Variants in FBN3 observed in about 807,000 individuals in gnomAD.
The protein encoded by FBN3 is fibrillin-3.
Under a neutral mutation model 330.1 loss-of-function variants are expected in FBN3, and 234 were observed. That is an observed-to-expected ratio of 0.71 (90% CI 0.64 to 0.79). The LOEUF (loss-of-function observed/expected upper bound fraction) is 0.79, where lower values mean the gene tolerates loss of function less well. Among genes scored for constraint, FBN3 ranks in the 30% least tolerant of loss-of-function variants. The pLI is 0.00. For missense variants in FBN3, 3,606 were observed against 3,886.9 expected (o/e 0.93, Z 1.92); for synonymous variants, 1,458 against 1,517.3 (o/e 0.96, Z 0.91).
Position 8,118,899 on chromosome 19 carries a change from T to C in FBN3, c.3335A>G (p.Glu1112Gly). The C allele has an allele frequency of 6.2e-7, 1 of 1,610,288 alleles. No homozygotes were observed. Among genetic ancestry groups the C allele is most frequent in the Non-Finnish European group, 8.5e-7 (1 of 1,176,824 alleles). ...TGCACACCCAGATGCACACTTACCCTCACAGGCAGTGCCCTTGGCCGTCAG... is the reference window on the plus strand; with the variant it reads ...TGCACACCCAGATGCACACTTACCCCCACAGGCAGTGCCCTTGGCCGTCAG... Reference protein sequence around the residue: ...HELTAKGTACEDIDECSLSDG... With the variant: ...HELTAKGTACGDIDECSLSDG... Residue 1112 changes from glutamate (E) to glycine (G), a missense_variant and splice_region_variant, in exon 26 of 64, where the codon GAG (glutamate) becomes GGG (glycine). Glu to Gly is a moderately conservative substitution (Grantham distance 98, BLOSUM62 -2). Coordinates refer to ENST00000600128, the MANE Select transcript of FBN3 (RefSeq NM_032447.5).
chr19:8,109,697 G>A lies in FBN3; in HGVS notation c.4390C>T (p.Pro1464Ser), dbSNP rs780575613. The A allele has an allele frequency of 3.8e-6, 6 of 1,559,642 alleles. No homozygotes were observed. The African/African-American group carries it at 8.2e-5, about 21-fold the overall frequency. The change falls in exon 35 of 64, where the codon CCC becomes TCC. Residue 1464 changes from proline to serine, a missense_variant. Physicochemically the swap from Pro to Ser is moderately conservative, Grantham distance 74. Coordinates refer to ENST00000600128, the MANE Select transcript of FBN3 (RefSeq NM_032447.5). This position sits in a 1 kb window ranked among gnomAD's most constrained non-coding sequence, Gnocchi z 5.2. Reference sequence around the variant, plus strand: ...GGGCAGCTGCAGAGGTAGCTGCCGGGGGTGTTAATGCACACGCCGTTGATG... The same window carrying A: ...GGGCAGCTGCAGAGGTAGCTGCCGGAGGTGTTAATGCACACGCCGTTGATG... ...NCINGVCINT[P>S]GSYLCSCPQD...
chr19:8,084,640 G>A (rs2081892781), intron 56 of FBN3, among the ~76,000 whole-genome samples: 1 of 152,084 alleles, frequency 6.6e-6, no homozygotes, highest in African/African-American at 2.4e-5. Flanking sequence ...AGGCTGGAGT[G>A]CAATGGCGTG....
At position 8,131,499 on chromosome 19, in the gene FBN3, C is replaced by A; in HGVS notation, c.1990+55G>T. On this transcript the variant is annotated intron_variant, in intron 15 of 63. Transcript: ENST00000600128. This position sits in a 1 kb window ranked among gnomAD's most constrained non-coding sequence, Gnocchi z 4.5. Reference sequence around the variant, plus strand: ...ATGACCCCCCACCAGAAGCGAGAACCGATGGAGGCATTCAGACCAAGGAGG... The same window carrying A: ...ATGACCCCCCACCAGAAGCGAGAACAGATGGAGGCATTCAGACCAAGGAGG... The A allele has an allele frequency of 1.3e-6, 2 of 1,555,796 alleles. No individual in the cohort carries two copies. Among genetic ancestry groups the A allele is most frequent in the South Asian group, 2.4e-5 (2 of 81,658 alleles).
At position 8,072,168 on chromosome 19, in the gene FBN3, G is replaced by A. The variant is rs10420783; in HGVS notation, c.7968C>T (p.Pro2656=). 13,780 of 1,582,468 alleles carry A rather than the reference G, an allele frequency of 8.7e-3. 966 individuals are homozygous for A. The African/African-American group carries it at 0.16, about 18-fold the overall frequency. Residue 2656 remains proline, a synonymous_variant, in exon 63 of 64, where the codon CCC becomes CCT. Transcript: ENST00000600128. The stretch of plus-strand genomic sequence containing the variant: ...CTTTGTCCGGGGTGTCCTGGGGTCC[G>A]GGGCTGAAGCCCAGGCCGGAGACAC... The part of the protein sequence containing the change: ...GHCVSGLGFS[P]GPQDTPDKEE...
At chr19:8,074,949 G>T (rs2081604892) in intron 61 of FBN3, 122 bp downstream of exon 61, 2 of 1,341,402 alleles carry the variant, frequency 1.5e-6, no homozygotes, top group Non-Finnish European at 2.0e-6. Flanking sequence ...TTCTGGGCTG[G>T]CCTGTTCAAT....
chr19:8,124,894 G>A (rs906698038), intron 22 of FBN3, among the ~76,000 whole-genome samples: 2 of 152,170 alleles, frequency 1.3e-5, no homozygotes, highest in African/African-American at 2.4e-5. Context: ...GTGAACATAC[G>A]TCATTATACG....
chr19:8,126,041 G>A (rs373329474), intron 21 of FBN3, 24 bp from the exon 22 acceptor site: 26 of 1,613,600 alleles, frequency 1.6e-5, no homozygotes, highest in South Asian at 5.5e-5. Flanking sequence ...AGGGAAAGCC[G>A]GAGGGTCCAG....
chr19:8,126,314 G>A lies in FBN3; in HGVS notation c.2588C>T (p.Thr863Met), dbSNP rs139953945. ...GCAGTTACCATCGCAGGTGACACCCGTCATCCGGGCAAAGCCCCGGGCACA... is the reference window on the plus strand; with the variant it reads ...GCAGTTACCATCGCAGGTGACACCCATCATCCGGGCAAAGCCCCGGGCACA... ...PACARGFARM[T>M]GVTCDDVNEC... Residue 863 changes from threonine to methionine, a missense_variant, in exon 21 of 64, where the codon ACG (threonine) becomes ATG (methionine). Coordinates refer to ENST00000600128, the MANE Select transcript of FBN3 (RefSeq NM_032447.5). The A allele has an allele frequency of 5.3e-5, 84 of 1,589,314 alleles. No individual in the cohort carries two copies. Among genetic ancestry groups the A allele is most frequent in the African/African-American group, 5.1e-4 (38 of 74,972 alleles).
chr19:8,066,156 C>T lies in FBN3; in HGVS notation c.8193G>A (p.Glu2731=), dbSNP rs1163228039. The part of the protein sequence containing the change: ...ERILELRPAL[E]GLEGRIRYVI... ...CGTAGCGGATCCGGCCCTCTAGACC[C>T]TCCAGGGCCGGCCGGAGCTCCAGGA... The change falls in exon 64 of 64, where the codon GAG becomes GAA. Residue 2731 remains glutamate (E), a synonymous_variant. Coordinates refer to ENST00000600128, the MANE Select transcript of FBN3 (RefSeq NM_032447.5). 1.2e-5 allele frequency: 20 copies of T among 1,613,050 alleles called. No individual in the cohort carries two copies. The highest frequency in any genetic ancestry group is 1.7e-5 in the Non-Finnish European group (20 of 1,179,824).
At chr19:8,085,159 C>A (rs539549173) in intron 56 of FBN3, among the ~76,000 whole-genome samples, 1 of 152,092 alleles carries the variant, frequency 6.6e-6, no homozygotes, top group South Asian at 2.1e-4. Flanking sequence ...CTCCCTCAAC[C>A]CCCCGAGTTC....
intron 63 of FBN3, among the ~76,000 whole-genome samples, chr19:8,066,748 G>A (rs1376162129): frequency 6.6e-5 from 10 of 152,062 alleles, no homozygotes; most frequent in African/African-American, 1.2e-4. Context: ...GCGTGGTGGC[G>A]GGCGCCTGTA....
At chr19:8,081,291 G>A (rs962634548) in intron 58 of FBN3, 67 bp downstream of exon 58, 2 of 1,547,386 alleles carry the variant, frequency 1.3e-6, no homozygotes, top group Admixed American at 1.9e-5. Context: ...GACATGTCTT[G>A]GGCATCCCTT....
intron 34 of FBN3, among the ~76,000 whole-genome samples, chr19:8,110,318 C>G (rs1000158641): frequency 2.0e-5 from 3 of 152,284 alleles, no homozygotes; most frequent in Middle Eastern, 6.8e-3. Context: ...CTCAGCCTCC[C>G]AAAGTGCTGA....
rs759180020 is a variant in FBN3, at chr19:8,101,100, C to T, written c.5090-128G>A. 2.9e-4 allele frequency: 175 copies of T among 610,562 alleles called. 1 individual carries two copies. Among genetic ancestry groups the T allele is most frequent in the Non-Finnish European group, 7.1e-5 (25 of 350,742 alleles). The allele number at this position is 610,562 out of a possible 1,614,324, so 37.8% of individuals were successfully genotyped here. A position where few individuals can be genotyped will look rare whatever the true frequency, so the allele number is the denominator to read the frequency against. Reference sequence around the variant, plus strand: ...GGCCACCTTGAACTTTTTTTGCTCTCCCCACCCTTTCCCTCCTTCCACTTA... The same window carrying T: ...GGCCACCTTGAACTTTTTTTGCTCTTCCCACCCTTTCCCTCCTTCCACTTA... On this transcript the variant is annotated intron_variant, in intron 40 of 63. Coordinates refer to ENST00000600128, the MANE Select transcript of FBN3 (RefSeq NM_032447.5).
chr19:8,122,173 CAAT>C (rs2082868001), intron 24 of FBN3, among the ~76,000 whole-genome samples: 1 of 152,040 alleles, frequency 6.6e-6, no homozygotes, highest in Non-Finnish European at 1.5e-5. Context: ...ACAGTTAATG[CAAT>C]AATAATTTTT....
At chr19:8,070,383 T>TTTG (rs869038609) in intron 63 of FBN3, among the ~76,000 whole-genome samples, 2 of 152,218 alleles carry the variant, frequency 1.3e-5, no homozygotes, top group East Asian at 3.9e-4. Context: ...GGCAGGTGTT[T>TTTG]TTGTTGTTGT....
Position 8,138,182 on chromosome 19 carries a change from G to A in FBN3, c.1160C>T (p.Ala387Val), listed in dbSNP as rs141919495. ...PARLNPHGSD[A>V]RGIPSLGPGN... ...AGGGCCCAGGCTGGGGATCCCACGC[G>A]CATCAGAGCCATGGGGGTTGAGTCG... is the stretch of plus-strand genomic sequence containing the variant. The change falls in exon 10 of 64, where the codon GCG (alanine) becomes GTG (valine). Residue 387 changes from alanine (A) to valine (V), a missense_variant. By Grantham distance (64) the Ala-to-Val change is moderately conservative (BLOSUM62 0). Transcript: ENST00000600128. The A allele has an allele frequency of 4.3e-5, 70 of 1,612,514 alleles. No individual in the cohort carries two copies. The highest frequency in any genetic ancestry group is 1.7e-4 in the Middle Eastern group (1 of 6,030).
chr19:8,088,309 G>A (rs1408889740), intron 51 of FBN3, 130 bp from the exon 52 acceptor site: 2 of 1,148,284 alleles, frequency 1.7e-6, no homozygotes, highest in Non-Finnish European at 2.4e-6. Flanking sequence ...GTCTGGCTAT[G>A]GGGCAGGCAA....
intron 45 of FBN3, 133 bp downstream of exon 45, chr19:8,095,831 T>C: frequency 1.6e-6 from 1 of 629,178 alleles, no homozygotes. Flanking sequence ...CTATGGATTA[T>C]TTAGGAGTAT....
Sources: gnomAD v4.1 joint callset for allele counts (sites outside exome capture counted in the v4.1 genomes callset) on GRCh38, gnomAD v4.1.1 for gene constraint, Gnocchi (gnomAD v3.1) non-coding constraint, MANE v1.5 for transcripts, NCBI Gene and HGNC (gene_info 2026-07-23, HGNC 2026-07-21) for gene names.